PCLO: variants seen among roughly 807,000 people sequenced by gnomAD.
PCLO encodes the protein protein piccolo.
PCLO carries 82 observed loss-of-function variants against 427.5 expected under a neutral mutation model. The ratio of observed to expected loss-of-function variants is 0.19; its 90% confidence interval spans 0.16 to 0.23. The LOEUF is 0.23. Among genes scored for constraint, PCLO ranks in the 10% least tolerant of loss-of-function variants. PCLO has a pLI of 1.00. For synonymous variants in PCLO, 2,357 were observed against 2,155.4 expected (o/e 1.09, Z -2.59); for missense variants, 6,239 against 6,115.9 (o/e 1.02, Z -0.67).
At chr7:82,815,422 T>C (rs2051791) in intron 20 of PCLO, among the ~76,000 whole-genome samples, 55,814 of 151,878 alleles carry the variant, frequency 0.37, 12,645 homozygotes, top group East Asian at 0.7. Context: ...AAAAACTACA[T>C]AATAGACCTA....
At chr7:82,763,005 A>G (rs902428057) in intron 22 of PCLO, among the ~76,000 whole-genome samples, 1 of 152,078 alleles carries the variant, frequency 6.6e-6, no homozygotes, top group Non-Finnish European at 1.5e-5. Context: ...TAGTGGCCCG[A>G]TCATGGCTCA....
chr7:82,815,143 C>G (rs974349899), intron 20 of PCLO, among the ~76,000 whole-genome samples: 3 of 151,842 alleles, frequency 2.0e-5, no homozygotes, highest in Non-Finnish European at 4.4e-5. Context: ...AAATATATGG[C>G]ATGAATTAAA....
chr7:82,885,364 G>A (rs1413431601), intron 9 of PCLO, among the ~76,000 whole-genome samples: 1 of 152,116 alleles, frequency 6.6e-6, no homozygotes, highest in Non-Finnish European at 1.5e-5. Flanking sequence ...ACATGAGTTT[G>A]GAAGAGGTCT....
At position 82,950,186 on chromosome 7, in the gene PCLO, C is replaced by G. The variant is rs201477088; in HGVS notation, c.10402G>C (p.Val3468Leu). 110 of 1,611,496 alleles carry G rather than the reference C, an allele frequency of 6.8e-5. No homozygotes were observed. Among genetic ancestry groups the G allele is most frequent in the Non-Finnish European group, 9.0e-5 (106 of 1,179,542 alleles). The change falls in exon 6 of 25, where the codon GTG (valine) becomes CTG (leucine). Residue 3468 changes from valine (V) to leucine (L), a missense_variant. This residue lies in a region of PCLO where 4,677 missense variants were observed against 4,468.4 expected (regional missense o/e 1.05). Transcript: ENST00000333891. ...VSRRRRTKKS[V>L]DTSVQTDDED... ...TCATCAGTTTGGACGCTTGTATCCA[C>G]ACTCTTTTTAGTTCTCCTTCTCCTA...
intron 24 of PCLO, among the ~76,000 whole-genome samples, 178 bp downstream of exon 24, chr7:82,760,461 G>C (rs1355757874): frequency 6.6e-6 from 1 of 151,942 alleles, no homozygotes; most frequent in East Asian, 1.9e-4. Flanking sequence ...CAGCTGATTG[G>C]ATGGGGTGAG....
chr7:83,094,204 T>C (rs993429040), intron 3 of PCLO, among the ~76,000 whole-genome samples: 3 of 110,456 alleles, frequency 2.7e-5, no homozygotes. Context: ...GGACTGATTT[T>C]TTTTTCTTTT....
intron 10 of PCLO, among the ~76,000 whole-genome samples, chr7:82,873,178 AGTT>A (rs763895049): frequency 9.9e-6 from 1 of 101,400 alleles, no homozygotes; most frequent in African/African-American, 4.1e-5. Context: ...TTATTCTGTA[AGTT>A]TTTTTTTTTT....
At chr7:82,976,567 G>A (rs906425580) in intron 3 of PCLO, among the ~76,000 whole-genome samples, 6 of 148,584 alleles carry the variant, frequency 4.0e-5, no homozygotes, top group African/African-American at 1.6e-4. Flanking sequence ...ATCCATGATT[G>A]TTGGTGTGTA....
At position 82,827,164 on chromosome 7, in the gene PCLO, C is replaced by T. The variant is rs964767993; in HGVS notation, c.14344-504G>A. On this transcript the variant is annotated intron_variant, in intron 17 of 24. Coordinates refer to ENST00000333891, the MANE Select transcript of PCLO (RefSeq NM_033026.6). The stretch of plus-strand genomic sequence containing the variant: ...GTAATGAAATTAATCTACTAGAAGA[C>T]AAATTAAGAATCTCATTTTGAAAGA... Among the ~76,000 whole-genome samples, 7 of 152,030 alleles carry T rather than the reference C, an allele frequency of 4.6e-5. No homozygotes were observed. In the East Asian group the frequency reaches 1.4e-3, roughly 29 times the overall value.
chr7:82,969,637 G>A (rs996852878), intron 3 of PCLO, among the ~76,000 whole-genome samples: 4 of 151,912 alleles, frequency 2.6e-5, no homozygotes, highest in Admixed American at 6.6e-5. Flanking sequence ...TTTCTATTAC[G>A]TCAAATAATG....
At chr7:83,023,568 G>C (rs1158909544) in intron 3 of PCLO, among the ~76,000 whole-genome samples, 1 of 152,156 alleles carries the variant, frequency 6.6e-6, no homozygotes, top group East Asian at 1.9e-4. Flanking sequence ...CAAAACAGTT[G>C]TAAGTACATG....
chr7:83,091,393 T>C (rs1206675241), intron 3 of PCLO, among the ~76,000 whole-genome samples: 1 of 152,140 alleles, frequency 6.6e-6, no homozygotes, highest in East Asian at 1.9e-4. Context: ...ATGTCAGTAC[T>C]TTGACACTTC....
intron 22 of PCLO, among the ~76,000 whole-genome samples, chr7:82,768,830 G>A (rs536755975): frequency 2.5e-4 from 38 of 152,090 alleles, no homozygotes; most frequent in Non-Finnish European, 5.1e-4. Context: ...ATATGTGTAT[G>A]TGATATCTAT....
intron 9 of PCLO, among the ~76,000 whole-genome samples, chr7:82,890,234 G>A (rs1235652013): frequency 1.3e-5 from 2 of 151,976 alleles, no homozygotes; most frequent in Admixed American, 6.6e-5. Context: ...GGGTAAATAC[G>A]TGTTCTCTAT....
chr7:82,854,936 C>T (rs773353574), intron 10 of PCLO, among the ~76,000 whole-genome samples: 6 of 152,080 alleles, frequency 3.9e-5, no homozygotes, highest in African/African-American at 7.2e-5. Context: ...CTTTTCATCA[C>T]ATTTTGAATA....
At chr7:83,100,437 A>C (rs1225524108) in intron 3 of PCLO, among the ~76,000 whole-genome samples, 1 of 152,222 alleles carries the variant, frequency 6.6e-6, no homozygotes, top group Non-Finnish European at 1.5e-5. Flanking sequence ...TGGATAAAGA[A>C]AATGTGGTAC....
intron 20 of PCLO, among the ~76,000 whole-genome samples, chr7:82,815,163 T>G (rs1791651715): frequency 6.6e-6 from 1 of 152,034 alleles, no homozygotes; most frequent in South Asian, 2.1e-4. Context: ...AAATATATTT[T>G]ATCATAAAAT....
intron 2 of PCLO, among the ~76,000 whole-genome samples, chr7:83,139,075 C>T (rs1353549611): frequency 2.6e-5 from 4 of 151,790 alleles, no homozygotes; most frequent in South Asian, 4.2e-4. Flanking sequence ...ATATAGATGG[C>T]GGAATTAAAG....
At chr7:83,095,258 A>C (rs2116458284) in intron 3 of PCLO, among the ~76,000 whole-genome samples, 1 of 152,086 alleles carries the variant, frequency 6.6e-6, no homozygotes, top group South Asian at 2.1e-4. Flanking sequence ...TGTTTGTAGC[A>C]TTTCCTTCTC....
Sources: allele counts gnomAD v4.1 joint callset (sites outside exome capture counted in the v4.1 genomes callset), GRCh38; gene constraint gnomAD v4.1.1; regional missense constraint gnomAD v4.1.1; transcripts MANE v1.5; gene names NCBI Gene and HGNC (gene_info 2026-07-23, HGNC 2026-07-21).